Variants in CDHR4 observed in about 807,000 individuals in gnomAD.
The protein encoded by CDHR4 is cadherin related family member 4, also known as cadherin-related family member 4.
In CDHR4, 89 loss-of-function variants were observed where a neutral mutation model predicts 88.4. The observed-to-expected ratio is 1.01, with a 90% CI of 0.85 to 1.20. The LOEUF is 1.20. CDHR4 is among the 50% of genes most tolerant of loss of function. The pLI is 0.00. For missense variants in CDHR4, 914 were observed against 1,007.2 expected, an observed-to-expected ratio of 0.91 and a Z score of 1.25; for synonymous variants, 368 against 399.2, an observed-to-expected ratio of 0.92 and a Z score of 0.93.
chr3:49,801,554 C>T (rs1317790630), upstream of CDHR4, among the ~76,000 whole-genome samples: 1 of 152,236 alleles, frequency 6.6e-6, no homozygotes, highest in African/African-American at 2.4e-5. Flanking sequence ...TCTTGGATGT[C>T]TAACAGGCAT....
Position 49,798,890 on chromosome 3 carries a change from GTC to G in CDHR4, c.429_430del (p.Glu143AspfsTer42). The stretch of plus-strand genomic sequence containing the variant: ...GTACAGCCGAGCCCCAGGTGTGACT[GTC>G]TCTGGCACCTGAATCATTTCCCCAG... On this transcript the variant is annotated frameshift_variant, in exon 4 of 19. Coordinates refer to ENST00000412678, the MANE Select transcript of CDHR4 (RefSeq NM_001007540.4). LOFTEE classifies it high-confidence loss of function. 6.2e-7 allele frequency: 1 copy of G among 1,613,836 alleles called. No individual in the cohort carries two copies. Among genetic ancestry groups the G allele is most frequent in the Non-Finnish European group, 8.5e-7 (1 of 1,179,850 alleles).
At position 49,790,812 on chromosome 3, in the gene CDHR4, A is replaced by C. The variant is rs1181967995; in HGVS notation, c.*20T>G. The C allele has an allele frequency of 6.5e-7, 1 of 1,548,560 alleles. No homozygotes were observed. The highest frequency in any genetic ancestry group is 1.2e-5 in the South Asian group (1 of 83,700). On this transcript the variant is annotated 3_prime_UTR_variant, in exon 19 of 19. Transcript: ENST00000412678. The stretch of plus-strand genomic sequence containing the variant: ...GGTGTGAAAAAGAAATTCCACACAT[A>C]GTAAGACAGCTACTTGGCCTCAGAG...
Position 49,792,943 on chromosome 3 carries a change from T to A in CDHR4, c.1906A>T (p.Thr636Ser). Residue 636 changes from threonine to serine, a missense_variant, in exon 14 of 19, where the codon ACC (threonine) becomes TCC (serine). By Grantham distance (58) the Thr-to-Ser change is moderately conservative. Coordinates refer to ENST00000412678, the MANE Select transcript of CDHR4 (RefSeq NM_001007540.4). ...GTGGCTGTGGTGCTGAGGTGGGGGG[T>A]GGAGGGGCCTGCATCGGCCACACAG... ...LICVADAGPS[T>S]PHLSTTATII... 6 of 1,550,866 alleles carry A rather than the reference T, an allele frequency of 3.9e-6. No individual in the cohort carries two copies. The highest frequency in any genetic ancestry group is 5.2e-6 in the Non-Finnish European group (6 of 1,146,820).
chr3:49,794,857 C>A, intron 9 of CDHR4, 90 bp downstream of exon 9: 1 of 1,506,588 alleles, frequency 6.6e-7, no homozygotes, highest in Non-Finnish European at 9.0e-7. Context: ...CCCTCCACCC[C>A]CACTCCCGTG....
rs2081239798 is a variant in CDHR4 at position 49,794,653 on chromosome 3, C to T, written c.1234G>A (p.Ala412Thr). The change falls in exon 10 of 19, where the codon GCA (alanine) becomes ACA (threonine). Residue 412 changes from alanine (A) to threonine (T), a missense_variant. Coordinates refer to ENST00000412678, the MANE Select transcript of CDHR4 (RefSeq NM_001007540.4). ...CDTPGACFQH[A>T]ASILVLDGGQ... ...CCATCGAGCACCAGGATGGAGGCTG[C>T]ATGCTGGAAGCAGGCTCCAGGAGTG... is the stretch of plus-strand genomic sequence containing the variant. 1.3e-6 allele frequency: 2 copies of T among 1,551,276 alleles called. No individual in the cohort carries two copies. Among genetic ancestry groups the T allele is most frequent in the Non-Finnish European group, 1.7e-6 (2 of 1,146,922 alleles).
Position 49,791,702 on chromosome 3 carries a change from G to C in CDHR4, c.2283+12C>G. The C allele has an allele frequency of 6.4e-7, 1 of 1,551,470 alleles. No homozygotes were observed. The highest frequency in any genetic ancestry group is 8.7e-7 in the Non-Finnish European group (1 of 1,146,850). On this transcript the variant is annotated intron_variant, in intron 17 of 18. Coordinates refer to ENST00000412678, the MANE Select transcript of CDHR4 (RefSeq NM_001007540.4). ...CTTGGTGTCCACTACTTGAGATGGTGAGCTGACATACCAGACTCATGACAC... is the reference window on the plus strand; with the variant it reads ...CTTGGTGTCCACTACTTGAGATGGTCAGCTGACATACCAGACTCATGACAC...
chr3:49,799,872 T>A lies in CDHR4; in HGVS notation c.-60A>T. 6.3e-7 allele frequency: 1 copy of A among 1,590,492 alleles called. No individual in the cohort carries two copies. The highest frequency in any genetic ancestry group is 8.6e-7 in the Non-Finnish European group (1 of 1,159,712). ...CAGAAAGCTAGGCTGTTTGTCTGAC[T>A]CACCCTGTTGCCAGGTCAGTTGCTC... On this transcript the variant is annotated 5_prime_UTR_variant, in exon 1 of 19. Transcript: ENST00000412678.
Position 49,793,986 on chromosome 3 carries a change from T to A in CDHR4, c.1300A>T (p.Met434Leu), listed in dbSNP as rs1246753399. ...QMTTEVPVLV[M>L]VTPINEFSPA... ...GAGAACTCGTTGATGGGTGTCACCATCACCAGTACCGGCACCTCAGCTGGA... is the reference window on the plus strand; with the variant it reads ...GAGAACTCGTTGATGGGTGTCACCAACACCAGTACCGGCACCTCAGCTGGA... Residue 434 changes from methionine (M) to leucine (L), a missense_variant, in exon 11 of 19, where the codon ATG (methionine) becomes TTG (leucine). Physicochemically the swap from Met to Leu is conservative, Grantham distance 15. Transcript: ENST00000412678. The A allele has an allele frequency of 1.4e-5, 21 of 1,551,582 alleles. No homozygotes were observed. The highest frequency in any genetic ancestry group is 1.8e-5 in the Non-Finnish European group (21 of 1,146,970).
intron 4 of CDHR4, among the ~76,000 whole-genome samples, chr3:49,797,391 G>T (rs1451950645): frequency 1.3e-5 from 2 of 151,504 alleles, no homozygotes; most frequent in African/African-American, 4.9e-5. Flanking sequence ...TGATTCTCCG[G>T]CCTCAACCTC....
Position 49,799,756 on chromosome 3 carries a change from C to T in CDHR4, c.49+8G>A, listed in dbSNP as rs761443583. On this transcript the variant is annotated splice_region_variant and intron_variant, in intron 1 of 18. Transcript: ENST00000412678. Reference sequence around the variant, plus strand: ...AAACTACGGTTCCCCCACCCACCACCTCCTCACCAGAGACCACCGGAGCAA... The same window carrying T: ...AAACTACGGTTCCCCCACCCACCACTTCCTCACCAGAGACCACCGGAGCAA... 4.3e-6 allele frequency: 7 copies of T among 1,613,832 alleles called. No homozygotes were observed. In the South Asian group the frequency reaches 7.7e-5, roughly 18 times the overall value.
At position 49,795,360 on chromosome 3, in the gene CDHR4, G is replaced by A. The variant is rs2081254918; in HGVS notation, c.867C>T (p.Thr289=). 1.3e-6 allele frequency: 2 copies of A among 1,550,846 alleles called. No homozygotes were observed. The highest frequency in any genetic ancestry group is 1.7e-6 in the Non-Finnish European group (2 of 1,146,914). Reference sequence around the variant, plus strand: ...TGCGAGCTAACTCTAGGGGCGTGGTGGTCCGGACCACACCGTCTGCTGCAT... The same window carrying A: ...TGCGAGCTAACTCTAGGGGCGTGGTAGTCCGGACCACACCGTCTGCTGCAT... The part of the protein sequence containing the change: ...SIGRADGVVR[T]TTPLELARTS... Residue 289 remains threonine (T), a synonymous_variant, in exon 8 of 19, where the codon ACC becomes ACT. Coordinates refer to ENST00000412678, the MANE Select transcript of CDHR4 (RefSeq NM_001007540.4). The surrounding 1 kb of genome is among the most constrained non-coding windows in gnomAD (Gnocchi z 5.4).
At position 49,793,905 on chromosome 3, in the gene CDHR4, G is replaced by C. The variant is rs747514199; in HGVS notation, c.1381C>G (p.Leu461Val). The change falls in exon 11 of 19, where the codon CTA (leucine) becomes GTA (valine). Residue 461 changes from leucine (L) to valine (V), a missense_variant. Physicochemically the swap from Leu to Val is conservative, Grantham distance 32. Coordinates refer to ENST00000412678, the MANE Select transcript of CDHR4 (RefSeq NM_001007540.4). ...RVQEDAAPHT[L>V]LGSVVGTDMD... ...TCCGTGCCCACCACGGAGCCCAGTA[G>C]AGTGTGGGGCGCCGCATCCTCCTGA... 1 of 1,551,792 alleles carries C rather than the reference G, an allele frequency of 6.4e-7. No homozygotes were observed. The highest frequency in any genetic ancestry group is 1.2e-5 in the South Asian group (1 of 84,066).
In CDHR4 at chr3:49,797,007, A is replaced by T. The variant is rs1379658312; in HGVS notation, c.521T>A (p.Leu174Gln). Reference protein sequence around the residue: ...AQMSIISAQDLPHFPGPFSIN... With the variant: ...AQMSIISAQDQPHFPGPFSIN... ...GGAGAAAGGTCCAGGGAAGTGTGGCAGGTCCTGGGCACTGATAATGCTCAT... is the reference window on the plus strand; with the variant it reads ...GGAGAAAGGTCCAGGGAAGTGTGGCTGGTCCTGGGCACTGATAATGCTCAT... The change falls in exon 5 of 19, where the codon CTG becomes CAG. Residue 174 changes from leucine to glutamine, a missense_variant. By Grantham distance (113) the Leu-to-Gln change is moderately radical (BLOSUM62 -2). Coordinates refer to ENST00000412678, the MANE Select transcript of CDHR4 (RefSeq NM_001007540.4). 1.9e-6 allele frequency: 3 copies of T among 1,551,686 alleles called. No homozygotes were observed. The highest frequency in any genetic ancestry group is 2.6e-6 in the Non-Finnish European group (3 of 1,146,970).
chr3:49,802,130 T>C (rs1468220721), upstream of CDHR4, among the ~76,000 whole-genome samples: 1 of 149,834 alleles, frequency 6.7e-6, no homozygotes, highest in Non-Finnish European at 1.5e-5. Context: ...TTCTTCTCCT[T>C]CTTCTCCTTC....
chr3:49,797,933 A>G (rs113323122), intron 4 of CDHR4, among the ~76,000 whole-genome samples: 61 of 143,046 alleles, frequency 4.3e-4, no homozygotes, highest in Non-Finnish European at 6.1e-4. Flanking sequence ...TTTTTGAGAC[A>G]GAGTCTTGTT....
Position 49,795,588 on chromosome 3 carries a change from G to C in CDHR4, c.847+40C>G, listed in dbSNP as rs889100995. 9.0e-6 allele frequency: 14 copies of C among 1,550,486 alleles called. No homozygotes were observed. The highest frequency in any genetic ancestry group is 4.1e-5 in the African/African-American group (3 of 72,998). ...GGGTCACCTCTGGACCAGCCACAGA[G>C]GCATCCCAGTACCTGCCCCCACCCC... On this transcript the variant is annotated intron_variant, in intron 7 of 18. Transcript: ENST00000412678. This position sits in a 1 kb window ranked among gnomAD's most constrained non-coding sequence, Gnocchi z 5.4.
In CDHR4 at chr3:49,792,884, GC is replaced by G; in HGVS notation, c.1964del (p.Ser655ThrfsTer16). On this transcript the variant is annotated frameshift_variant, in exon 14 of 19. Transcript: ENST00000412678. LOFTEE classifies it high-confidence loss of function. Reference sequence around the variant, plus strand: ...TTCTGTGGGTGCTGGTGGCCACTGTGCTGGCCCTCCGGGGAACTAGATGCAC... The same window carrying G: ...TTCTGTGGGTGCTGGTGGCCACTGTGTGGCCCTCCGGGGAACTAGATGCAC... ...IIVHLVPRRA[S>X]TVATSTHRTT... The G allele has an allele frequency of 2.6e-6, 4 of 1,548,236 alleles. No homozygotes were observed. Among genetic ancestry groups the G allele is most frequent in the Non-Finnish European group, 3.5e-6 (4 of 1,144,444 alleles).
intron 15 of CDHR4, 56 bp from the exon 16 acceptor site, chr3:49,792,015 G>C: frequency 6.6e-7 from 1 of 1,508,418 alleles, no homozygotes; most frequent in South Asian, 1.2e-5. Context: ...ACTGGCTCCA[G>C]GAATCAGCAC....
Position 49,791,905 on chromosome 3 carries a change from G to A in CDHR4, c.2193C>T (p.Asn731=), listed in dbSNP as rs1366564179. 1 of 1,551,620 alleles carries A rather than the reference G, an allele frequency of 6.4e-7. No individual in the cohort carries two copies. Among genetic ancestry groups the A allele is most frequent in the Non-Finnish European group, 8.7e-7 (1 of 1,147,004 alleles). Residue 731 remains asparagine (N), a splice_region_variant and synonymous_variant, in exon 16 of 19, where the codon AAC becomes AAT. Coordinates refer to ENST00000412678, the MANE Select transcript of CDHR4 (RefSeq NM_001007540.4). ...AGAAGTATGCAAAGGAGACTGACCTGTTTAGCAGCAAAGCCTGGGCTGGTT... is the reference window on the plus strand; with the variant it reads ...AGAAGTATGCAAAGGAGACTGACCTATTTAGCAGCAAAGCCTGGGCTGGTT... ...PSKPAQALLL[N]SIQGTEGSIE...
Sources: allele counts gnomAD v4.1 joint callset (sites outside exome capture counted in the v4.1 genomes callset), GRCh38; gene constraint gnomAD v4.1.1; non-coding constraint Gnocchi (gnomAD v3.1); transcripts MANE v1.5; gene names NCBI Gene and HGNC (gene_info 2026-07-23, HGNC 2026-07-21).